DIS3L2: variants seen among roughly 807,000 people sequenced by gnomAD.
The protein encoded by DIS3L2 is DIS3 like 3'-5' exoribonuclease 2, also known as DIS3-like exonuclease 2.
A neutral mutation model predicts 97.5 loss-of-function variants in DIS3L2; 34 were observed. The observed-to-expected ratio is 0.35, with a 90% CI of 0.27 to 0.46. The LOEUF is 0.46. Ranked by LOEUF, DIS3L2 falls within the 20% of genes least tolerant of loss-of-function variation. DIS3L2 has a pLI of 1.00. For missense variants in DIS3L2, 1,038 were observed against 1,146.0 expected, an observed-to-expected ratio of 0.91 and a Z score of 1.36; for synonymous variants, 435 against 445.2, an observed-to-expected ratio of 0.98 and a Z score of 0.29.
chr2:232,162,586 T>C (rs1401853542), intron 8 of DIS3L2, among the ~76,000 whole-genome samples: 2 of 152,232 alleles, frequency 1.3e-5, no homozygotes, highest in Non-Finnish European at 2.9e-5. Flanking sequence ...GCTAAATTTC[T>C]TGCAGAAAGT....
downstream of DIS3L2, chr2:232,340,905 A>G: frequency 2.1e-6 from 1 of 471,184 alleles, no homozygotes; most frequent in Non-Finnish European, 4.4e-6. Flanking sequence ...ACAAAAAACA[A>G]GCTCCGTGGG....
chr2:232,134,036 G>A (rs965774241), intron 7 of DIS3L2, among the ~76,000 whole-genome samples: 18 of 146,506 alleles, frequency 1.2e-4, no homozygotes, highest in Non-Finnish European at 2.2e-4. Flanking sequence ...GTATAGTCCT[G>A]AAAAGTACAA....
chr2:232,156,469 C>A (rs903253099), intron 8 of DIS3L2, among the ~76,000 whole-genome samples: 10 of 150,322 alleles, frequency 6.7e-5, no homozygotes, highest in African/African-American at 2.4e-4. Context: ...CTTTTTCTTG[C>A]TCCTTTTTTT....
intron 5 of DIS3L2, among the ~76,000 whole-genome samples, chr2:232,048,730 CAAA>C (rs773587883): frequency 8.0e-6 from 1 of 124,610 alleles, no homozygotes; most frequent in African/African-American, 3.0e-5. Context: ...GACTCCCTCT[CAAA>C]AAAAAAAAAA....
intron 14 of DIS3L2, 28 bp from the exon 15 acceptor site, chr2:232,329,785 T>TCCCCGGGGGGGGGGGCCCCC: frequency 1.0e-6 from 1 of 967,142 alleles, no homozygotes. Context: ...ACCCCAGCGG[T>TCCCCGGGGGGGGGGGCCCCC]CCCTCCCATC....
At chr2:232,181,281 T>A (rs1458934721) in intron 9 of DIS3L2, among the ~76,000 whole-genome samples, 1 of 152,030 alleles carries the variant, frequency 6.6e-6, no homozygotes. Flanking sequence ...AATCTGACAA[T>A]TATGTGTCTT....
At chr2:232,065,015 A>G (rs576374735) in intron 5 of DIS3L2, among the ~76,000 whole-genome samples, 51 of 152,246 alleles carry the variant, frequency 3.3e-4, no homozygotes, top group Admixed American at 2.2e-3. Context: ...CAAAATTTTT[A>G]ATGAGTTATG....
At chr2:232,274,137 T>C (rs1410466547) in intron 13 of DIS3L2, among the ~76,000 whole-genome samples, 1 of 152,184 alleles carries the variant, frequency 6.6e-6, no homozygotes, top group African/African-American at 2.4e-5. Context: ...ATAGGGTTCC[T>C]GCACTGACCA....
At chr2:232,205,604 T>C (rs1692007763) in intron 9 of DIS3L2, among the ~76,000 whole-genome samples, 1 of 151,902 alleles carries the variant, frequency 6.6e-6, no homozygotes, top group Non-Finnish European at 1.5e-5. Context: ...GCCCAGCAAG[T>C]GTTTTTTTAA....
At chr2:232,254,244 C>T (rs570962859) in intron 12 of DIS3L2, among the ~76,000 whole-genome samples, 13 of 151,450 alleles carry the variant, frequency 8.6e-5, no homozygotes, top group Non-Finnish European at 1.9e-4. Flanking sequence ...TCTTAAATAT[C>T]GGGTTAATAA....
chr2:231,976,823 A>G (rs1693110888), intron 1 of DIS3L2, among the ~76,000 whole-genome samples: 1 of 144,518 alleles, frequency 6.9e-6, no homozygotes, highest in African/African-American at 2.6e-5. Context: ...GCTGGAGTAC[A>G]GTGGCGCGAT....
intron 10 of DIS3L2, among the ~76,000 whole-genome samples, chr2:232,228,339 G>T (rs1692700864): frequency 6.6e-6 from 1 of 152,140 alleles, no homozygotes; most frequent in Non-Finnish European, 1.5e-5. Flanking sequence ...ACCTAGACCT[G>T]GGGGAAACCA....
chr2:232,275,633 CTAAAGACAAT>C (rs1303228605), intron 13 of DIS3L2, among the ~76,000 whole-genome samples: 1 of 152,176 alleles, frequency 6.6e-6, no homozygotes, highest in Middle Eastern at 3.2e-3. Context: ...TATTTTTAGA[CTAAAGACAAT>C]TTAAGAGCTT....
chr2:232,187,997 G>A (rs1691494442), intron 9 of DIS3L2, among the ~76,000 whole-genome samples: 1 of 152,120 alleles, frequency 6.6e-6, no homozygotes, highest in Admixed American at 6.5e-5. Flanking sequence ...ACAATTACCT[G>A]GGTCTGGTGG....
At chr2:232,131,062 T>C (rs1698203260) in intron 7 of DIS3L2, 3 of 218,614 alleles carry the variant, frequency 1.4e-5, no homozygotes, top group South Asian at 1.7e-4. Context: ...AGTATGAATA[T>C]AGACTCTCTT....
intron 10 of DIS3L2, among the ~76,000 whole-genome samples, chr2:232,223,230 G>C (rs1439570159): frequency 6.6e-6 from 1 of 152,218 alleles, no homozygotes; most frequent in Non-Finnish European, 1.5e-5. Context: ...AGAAGTCCCA[G>C]TGATCCAACA....
chr2:232,334,872 C>G, intron 19 of DIS3L2, 137 bp downstream of exon 19: 1 of 701,546 alleles, frequency 1.4e-6, no homozygotes, highest in Non-Finnish European at 2.4e-6. Context: ...ATGGGCCTTG[C>G]TGAGACGCCC....
intron 9 of DIS3L2, among the ~76,000 whole-genome samples, chr2:232,188,839 T>C (rs1436143054): frequency 2.0e-5 from 3 of 152,158 alleles, no homozygotes; most frequent in African/African-American, 4.8e-5. Context: ...GTAAACCACA[T>C]ATCCAACAAG....
chr2:232,100,003 C>T (rs1170845440), intron 6 of DIS3L2, among the ~76,000 whole-genome samples: 1 of 151,728 alleles, frequency 6.6e-6, no homozygotes, highest in East Asian at 1.9e-4. Flanking sequence ...TTAATCTTTT[C>T]AAAGAACAAT....
Sources: gnomAD v4.1 joint callset for allele counts (sites outside exome capture counted in the v4.1 genomes callset) on GRCh38, gnomAD v4.1.1 for gene constraint, MANE v1.5 for transcripts, NCBI Gene and HGNC (gene_info 2026-07-23, HGNC 2026-07-21) for gene names.